The following GRIP1 variants were observed in gnomAD, a reference collection of about 807,000 sequenced individuals.
GRIP1 encodes glutamate receptor-interacting protein 1.
A neutral mutation model predicts 129.9 loss-of-function variants in GRIP1; 45 were observed. The observed-to-expected ratio is 0.35, with a 90% CI of 0.27 to 0.44. The LOEUF is 0.44. Ranked by LOEUF, GRIP1 falls within the 20% of genes least tolerant of loss-of-function variation. The pLI, the probability that GRIP1 is intolerant of heterozygous loss-of-function variation, is 1.00. For missense variants in GRIP1, 1,196 were observed against 1,396.8 expected (o/e 0.86, Z 2.29); for synonymous variants, 530 against 520.8 (o/e 1.02, Z -0.24).
intron 1 of GRIP1, among the ~76,000 whole-genome samples, chr12:66,942,338 A>G (rs1233196039): frequency 6.6e-6 from 1 of 151,094 alleles, no homozygotes; most frequent in East Asian, 1.9e-4. Flanking sequence ...AAGTAATGTG[A>G]GGTTTTCTTC....
intron 22 of GRIP1, 196 bp from the exon 23 acceptor site, chr12:66,372,123 A>G: frequency 3.2e-6 from 2 of 624,796 alleles, no homozygotes; most frequent in East Asian, 5.5e-5. Flanking sequence ...TTTATAATGC[A>G]CATCTCAAAT....
In GRIP1 at chr12:66,421,542, C is replaced by T. The variant is rs115346900; in HGVS notation, c.1769-753G>A. Among the ~76,000 whole-genome samples, 723 of 152,080 alleles carry T rather than the reference C, an allele frequency of 4.8e-3. 8 individuals carry two copies. The highest frequency in any genetic ancestry group is 0.017 in the African/African-American group (696 of 41,508). Reference sequence around the variant, plus strand: ...CCTGGGCAACAGAGCAAAACTCCGTCTTGATCAATCAATCAATAAAGTTCT... The same window carrying T: ...CCTGGGCAACAGAGCAAAACTCCGTTTTGATCAATCAATCAATAAAGTTCT... On this transcript the variant is annotated intron_variant, in intron 14 of 24. Coordinates refer to ENST00000359742, the MANE Select transcript of GRIP1 (RefSeq NM_001366722.1).
chr12:66,667,672 C>T (rs984454439), intron 1 of GRIP1, among the ~76,000 whole-genome samples: 9 of 152,132 alleles, frequency 5.9e-5, no homozygotes, highest in African/African-American at 2.2e-4. Context: ...TTGCCTATTC[C>T]TCAACTCCAC....
intron 1 of GRIP1, among the ~76,000 whole-genome samples, chr12:66,766,056 T>C (rs184818615): frequency 6.6e-6 from 1 of 152,316 alleles, no homozygotes; most frequent in Admixed American, 6.5e-5. Flanking sequence ...ACTGTGGCTC[T>C]TGTTTTTTTC....
intron 1 of GRIP1, among the ~76,000 whole-genome samples, chr12:66,930,248 C>T (rs2137401079): frequency 9.3e-6 from 1 of 107,048 alleles, no homozygotes; most frequent in East Asian, 3.3e-4. Context: ...CGATGCTATC[C>T]CTCCCCCCTC....
chr12:66,679,101 A>C (rs924783291), upstream of GRIP1: 14 of 1,479,338 alleles, frequency 9.5e-6, no homozygotes, highest in Non-Finnish European at 1.3e-5. Context: ...ATTCACTACT[A>C]CTACCACCCC....
At chr12:66,950,053 G>C (rs1481252549) in intron 1 of GRIP1, among the ~76,000 whole-genome samples, 1 of 152,018 alleles carries the variant, frequency 6.6e-6, no homozygotes, top group Non-Finnish European at 1.5e-5. Flanking sequence ...TGGGATTATA[G>C]GCGTGAGCCA....
At chr12:67,069,308 GGGC>G (rs71088240), upstream of GRIP1, 80 of 140,890 alleles carry the variant, frequency 5.7e-4, no homozygotes, top group East Asian at 1.1e-3. Context: ...CGGCGGCTCC[GGGC>G]GGCGGCGGCG....
Position 67,046,188 on chromosome 12 carries a change from A to G in GRIP1, c.58+22862T>C, listed in dbSNP as rs1308666117. 2.0e-5 allele frequency among the ~76,000 whole-genome samples: 3 copies of G among 152,308 alleles called. No homozygotes were observed. In the East Asian group the frequency reaches 5.8e-4, roughly 29 times the overall value. ...GAGTTCAGCCTCAAAGTCAAAGCCA[A>G]TAATTCCTCACCTCCTGCCCCTATG... is the stretch of plus-strand genomic sequence containing the variant. On this transcript the variant is annotated intron_variant, in intron 1 of 1. Transcript: ENST00000643019.
At chr12:66,942,316 T>G (rs866834328) in intron 1 of GRIP1, among the ~76,000 whole-genome samples, 1 of 152,136 alleles carries the variant, frequency 6.6e-6, no homozygotes. Context: ...GCCCAGTGTC[T>G]TCACTTATGC....
intron 1 of GRIP1, among the ~76,000 whole-genome samples, chr12:66,974,885 T>C (rs1421824557): frequency 1.3e-5 from 2 of 152,192 alleles, no homozygotes; most frequent in Non-Finnish European, 2.9e-5. Flanking sequence ...GGCTCTGCTT[T>C]TGTAAAATTT....
chr12:66,846,539 G>T (rs2039818869), intron 1 of GRIP1, among the ~76,000 whole-genome samples: 1 of 152,126 alleles, frequency 6.6e-6, no homozygotes. Flanking sequence ...TTTAGGTATG[G>T]CAAAGCCAAA....
chr12:66,486,900 C>T (rs1224307220), intron 7 of GRIP1, among the ~76,000 whole-genome samples: 1 of 152,054 alleles, frequency 6.6e-6, no homozygotes, highest in Non-Finnish European at 1.5e-5. Flanking sequence ...AAGTGATCTT[C>T]CCACCTCAGC....
At chr12:66,740,381 C>T (rs1181738816) in intron 1 of GRIP1, among the ~76,000 whole-genome samples, 1 of 152,188 alleles carries the variant, frequency 6.6e-6, no homozygotes, top group African/African-American at 2.4e-5. Context: ...ATGTCAGCAT[C>T]AGCATCAGTG....
Position 66,529,855 on chromosome 12 carries a change from TG to T in GRIP1, c.477del (p.Asn160IlefsTer6). 6.3e-7 allele frequency: 1 copy of T among 1,599,310 alleles called. No homozygotes were observed. Among genetic ancestry groups the T allele is most frequent in the Non-Finnish European group, 8.6e-7 (1 of 1,166,442 alleles). ...RTVEVTLHKE[G>X]NTFGFVIRGG... ...CCTCGAATTACAAAACCAAAGGTAT[TG>T]CCTTCTTTATGTAATGTGACCTCCA... On this transcript the variant is annotated frameshift_variant, in exon 5 of 25. Coordinates refer to ENST00000359742, the MANE Select transcript of GRIP1 (RefSeq NM_001366722.1). LOFTEE classifies it high-confidence loss of function.
At chr12:66,560,140 C>T (rs1047156981) in intron 2 of GRIP1, among the ~76,000 whole-genome samples, 3 of 152,042 alleles carry the variant, frequency 2.0e-5, no homozygotes, top group Non-Finnish European at 4.4e-5. Flanking sequence ...AACTAGACCC[C>T]CATCTCTTGC....
chr12:66,559,307 C>G (rs568810742), intron 2 of GRIP1, among the ~76,000 whole-genome samples: 1 of 152,152 alleles, frequency 6.6e-6, no homozygotes, highest in African/African-American at 2.4e-5. Context: ...TACTGTTATT[C>G]AACATAGTAC....
At chr12:66,604,139 C>G (rs1038553156) in intron 1 of GRIP1, among the ~76,000 whole-genome samples, 1 of 152,198 alleles carries the variant, frequency 6.6e-6, no homozygotes, top group Non-Finnish European at 1.5e-5. Context: ...AGAACCCAGC[C>G]TCTGATCTGC....
chr12:66,501,033 G>A (rs903546162), intron 7 of GRIP1, among the ~76,000 whole-genome samples: 1 of 152,178 alleles, frequency 6.6e-6, no homozygotes, highest in African/African-American at 2.4e-5. Flanking sequence ...TTTCTATCAC[G>A]GTTGTGAAAC....
Sources: gnomAD v4.1 joint callset for allele counts (sites outside exome capture counted in the v4.1 genomes callset) on GRCh38, gnomAD v4.1.1 for gene constraint, MANE v1.5 for transcripts, NCBI Gene and HGNC (gene_info 2026-07-23, HGNC 2026-07-21) for gene names.